STXBP5L: variants seen among roughly 807,000 people sequenced by gnomAD.
The protein encoded by STXBP5L is syntaxin-binding protein 5-like.
A neutral mutation model predicts 144.5 loss-of-function variants in STXBP5L; 65 were observed. That is an observed-to-expected ratio of 0.45 (90% CI 0.37 to 0.55). STXBP5L has a LOEUF of 0.55. Ranked by LOEUF, STXBP5L falls within the 20% of genes least tolerant of loss-of-function variation. STXBP5L has a pLI of 0.00. For synonymous variants in STXBP5L, 505 were observed against 469.6 expected, an observed-to-expected ratio of 1.08 and a Z score of -0.97; for missense variants, 1,298 against 1,405.5, an observed-to-expected ratio of 0.92 and a Z score of 1.22.
chr3:121,050,550 C>T (rs1171776781), intron 5 of STXBP5L, among the ~76,000 whole-genome samples: 4 of 151,762 alleles, frequency 2.6e-5, no homozygotes, highest in Non-Finnish European at 5.9e-5. Flanking sequence ...ATTTTGTCAC[C>T]ACCAGGCCTG....
At position 121,398,259 on chromosome 3, in the gene STXBP5L, C is replaced by T. The variant is rs150389843; in HGVS notation, c.2588-8984C>T. On this transcript the variant is annotated intron_variant, in intron 22 of 26. Coordinates refer to ENST00000471454, the MANE Select transcript of STXBP5L (RefSeq NM_001308330.2). The stretch of plus-strand genomic sequence containing the variant: ...TAAACTAGACCTTTCTAAAAGTAAT[C>T]CTATTGTCCCCGCTGGCAAGGATCC... Among the ~76,000 whole-genome samples the T allele has an allele frequency of 1.7e-3, 256 of 152,344 alleles. 1 individual carries two copies. The highest frequency in any genetic ancestry group is 5.8e-3 in the African/African-American group (240 of 41,584).
At chr3:121,206,895 T>C (rs910985453) in intron 10 of STXBP5L, among the ~76,000 whole-genome samples, 2 of 152,198 alleles carry the variant, frequency 1.3e-5, no homozygotes, top group African/African-American at 2.4e-5. Context: ...AATACACTCA[T>C]TGAGAATTAC....
At chr3:120,911,629 C>T (rs1194965087) in intron 2 of STXBP5L, among the ~76,000 whole-genome samples, 1 of 151,984 alleles carries the variant, frequency 6.6e-6, no homozygotes, top group Admixed American at 6.5e-5. Flanking sequence ...TTTGTAAAAT[C>T]ACGTGTTCAT....
chr3:121,257,384 CT>C, intron 17 of STXBP5L, 51 bp downstream of exon 17: 1 of 1,462,624 alleles, frequency 6.8e-7, no homozygotes, highest in Non-Finnish European at 9.3e-7. Flanking sequence ...AATCATATGT[CT>C]TTGAAACTGT....
chr3:121,185,640 C>T (rs2047345642), intron 9 of STXBP5L, among the ~76,000 whole-genome samples: 1 of 152,140 alleles, frequency 6.6e-6, no homozygotes, highest in Admixed American at 6.5e-5. Flanking sequence ...GGGCTCTGTT[C>T]TGTTCCATTG....
intron 10 of STXBP5L, among the ~76,000 whole-genome samples, chr3:121,215,628 C>G (rs2048748121): frequency 6.6e-6 from 1 of 152,148 alleles, no homozygotes; most frequent in Non-Finnish European, 1.5e-5. Context: ...TCTGGCTGCC[C>G]TTAACATTTT....
chr3:121,284,475 T>C (rs1244794402), intron 19 of STXBP5L, among the ~76,000 whole-genome samples: 2 of 152,104 alleles, frequency 1.3e-5, no homozygotes, highest in African/African-American at 4.8e-5. Flanking sequence ...ACATTTAGCC[T>C]AGATTCATTT....
Position 121,421,925 on chromosome 3 carries a change from C to T in STXBP5L, c.*2828C>T, listed in dbSNP as rs1018361658. On this transcript the variant is annotated 3_prime_UTR_variant, in exon 27 of 27. Transcript: ENST00000471454. Reference sequence around the variant, plus strand: ...ATTGCTTTTATAAGCCCTTCCTTAACGTAAGGGTAACTTCATCTCACAAAC... The same window carrying T: ...ATTGCTTTTATAAGCCCTTCCTTAATGTAAGGGTAACTTCATCTCACAAAC... The T allele has an allele frequency of 3.3e-5, 5 of 152,126 alleles. No homozygotes were observed. The highest frequency in any genetic ancestry group is 6.6e-5 in the Admixed American group (1 of 15,252). The allele number at this position is 152,126 out of a possible 1,614,324, so 9.4% of individuals were successfully genotyped here.
At chr3:121,078,857 C>T (rs569530803) in intron 5 of STXBP5L, among the ~76,000 whole-genome samples, 10 of 152,380 alleles carry the variant, frequency 6.6e-5, no homozygotes, top group African/African-American at 2.4e-4. Context: ...AGTGCGGGGC[C>T]CGCCAAGCCC....
chr3:121,072,059 ACATCTG>A (rs1424723579), intron 5 of STXBP5L, among the ~76,000 whole-genome samples: 1 of 152,234 alleles, frequency 6.6e-6, no homozygotes, highest in Non-Finnish European at 1.5e-5. Flanking sequence ...TTGATTTTTA[ACATCTG>A]CATTAGCTGT....
chr3:121,180,529 A>G (rs1264903677), intron 9 of STXBP5L, among the ~76,000 whole-genome samples: 1 of 152,224 alleles, frequency 6.6e-6, no homozygotes, highest in Non-Finnish European at 1.5e-5. Context: ...TAATACAATG[A>G]AAAAACAAAC....
intron 5 of STXBP5L, among the ~76,000 whole-genome samples, chr3:121,100,431 A>T (rs2043358201): frequency 6.6e-6 from 1 of 151,862 alleles, no homozygotes; most frequent in African/African-American, 2.4e-5. Context: ...AAAATAATCA[A>T]TACCAAGATC....
intron 7 of STXBP5L, among the ~76,000 whole-genome samples, chr3:121,144,835 A>G (rs533728174): frequency 6.6e-4 from 100 of 152,068 alleles, no homozygotes; most frequent in African/African-American, 2.4e-3. Flanking sequence ...TTAATAAATA[A>G]GGAAATTTTA....
At chr3:121,297,305 C>T (rs185063224) in intron 19 of STXBP5L, among the ~76,000 whole-genome samples, 2 of 151,694 alleles carry the variant, frequency 1.3e-5, no homozygotes, top group Admixed American at 1.3e-4. Flanking sequence ...TACTGTTGTA[C>T]ACAGATCATA....
rs566120719 is a variant in STXBP5L, at chr3:121,287,279, GGAA to G, written c.2110+7331_2110+7333del. Among the ~76,000 whole-genome samples the G allele has an allele frequency of 2.2e-3, 328 of 152,224 alleles. 4 individuals carry two copies. The highest frequency in any genetic ancestry group is 3.4e-3 in the Middle Eastern group (1 of 294). On this transcript the variant is annotated intron_variant, in intron 19 of 26. Coordinates refer to ENST00000471454, the MANE Select transcript of STXBP5L (RefSeq NM_001308330.2). ...AATAAAAGTTATCTAGATTTGGAAAGGAAGAAGAAGGTAAATAGTCTTTATTCA... is the reference window on the plus strand; with the variant it reads ...AATAAAAGTTATCTAGATTTGGAAAGGAAGAAGGTAAATAGTCTTTATTCA...
intron 2 of STXBP5L, among the ~76,000 whole-genome samples, chr3:120,946,487 C>G (rs1710862290): frequency 6.6e-6 from 1 of 151,684 alleles, no homozygotes; most frequent in African/African-American, 2.4e-5. Context: ...ACGATCTGGT[C>G]TAGCCTGCAG....
At chr3:120,999,438 T>C (rs1943598112) in intron 3 of STXBP5L, among the ~76,000 whole-genome samples, 1 of 152,188 alleles carries the variant, frequency 6.6e-6, no homozygotes, top group Non-Finnish European at 1.5e-5. Context: ...TCTTTCTCCA[T>C]CCCTTTAATT....
intron 5 of STXBP5L, among the ~76,000 whole-genome samples, chr3:121,080,578 G>A (rs1392366952): frequency 1.3e-5 from 2 of 152,156 alleles, no homozygotes; most frequent in African/African-American, 2.4e-5. Context: ...CTTCATTCAT[G>A]AAGCTTAATT....
At chr3:121,007,304 G>A (rs1944406721) in intron 3 of STXBP5L, among the ~76,000 whole-genome samples, 2 of 151,848 alleles carry the variant, frequency 1.3e-5, no homozygotes, top group African/African-American at 4.8e-5. Context: ...TTTGTTGACT[G>A]TTTTTCTTGT....
Sources: allele counts gnomAD v4.1 joint callset (sites outside exome capture counted in the v4.1 genomes callset), GRCh38; gene constraint gnomAD v4.1.1; transcripts MANE v1.5; gene names NCBI Gene and HGNC (gene_info 2026-07-23, HGNC 2026-07-21).